UBXN2A: variants seen among roughly 807,000 people sequenced by gnomAD.
UBXN2A encodes UBX domain-containing protein 2A.
A neutral mutation model predicts 28.4 loss-of-function variants in UBXN2A; 28 were observed. That is an observed-to-expected ratio of 0.99 (90% CI 0.73 to 1.35). The LOEUF is 1.35. Among genes scored for constraint, UBXN2A ranks in the 40% most tolerant of loss-of-function variants. The pLI, the probability that UBXN2A is intolerant of heterozygous loss-of-function variation, is 0.00. For synonymous variants in UBXN2A, 97 were observed against 103.6 expected, an observed-to-expected ratio of 0.94 and a Z score of 0.39; for missense variants, 253 against 297.9, an observed-to-expected ratio of 0.85 and a Z score of 1.11.
At chr2:23,935,841 G>C (rs1705509358), upstream of UBXN2A, among the ~76,000 whole-genome samples, 1 of 152,112 alleles carries the variant, frequency 6.6e-6, no homozygotes, top group Non-Finnish European at 1.5e-5. Flanking sequence ...CCAGAGGTCA[G>C]GAGTTCAAGA....
chr2:23,932,133 C>T (rs1330284476), intron 1 of UBXN2A, among the ~76,000 whole-genome samples: 1 of 152,034 alleles, frequency 6.6e-6, no homozygotes, highest in Non-Finnish European at 1.5e-5. Flanking sequence ...GCCTGGCCAA[C>T]ATGGTGAAAC....
chr2:23,982,764 A>T, intron 4 of UBXN2A, 132 bp from the exon 5 acceptor site: 1 of 919,790 alleles, frequency 1.1e-6, no homozygotes, highest in Non-Finnish European at 1.5e-6. Flanking sequence ...GAATACATTT[A>T]GTTATTTCAT....
chr2:23,951,128 A>T (rs1706341416), intron 1 of UBXN2A, among the ~76,000 whole-genome samples: 2 of 152,126 alleles, frequency 1.3e-5, no homozygotes, highest in African/African-American at 4.8e-5. Context: ...TTGTGAGAAC[A>T]TTTAAAACCC....
At chr2:23,979,938 A>G (rs1284681738) in intron 4 of UBXN2A, among the ~76,000 whole-genome samples, 1 of 152,120 alleles carries the variant, frequency 6.6e-6, no homozygotes, top group African/African-American at 2.4e-5. Context: ...GTAAAAAAAA[A>G]AACCCAGCTA....
At chr2:23,959,600 G>A (rs1176451762) in intron 2 of UBXN2A, among the ~76,000 whole-genome samples, 1 of 152,178 alleles carries the variant, frequency 6.6e-6, no homozygotes, top group Non-Finnish European at 1.5e-5. Context: ...GATTTAGAAT[G>A]TAGTTATACT....
rs924522202 is a variant in UBXN2A, at chr2:23,995,336, T to C, written c.585-4336T>C. ...CTACAGGGCTCTCAGATGATTTACA[T>C]TGGTTGGTCTTCAGTGCTTTCACAT... On this transcript the variant is annotated intron_variant, in intron 6 of 6. Coordinates refer to ENST00000309033, the MANE Select transcript of UBXN2A (RefSeq NM_181713.4). 5.9e-5 allele frequency among the ~76,000 whole-genome samples: 9 copies of C among 152,232 alleles called. No homozygotes were observed. In the East Asian group the frequency reaches 1.3e-3, roughly 23 times the overall value.
intron 5 of UBXN2A, 30 bp from the exon 6 acceptor site, chr2:23,984,642 AC>A: frequency 7.0e-7 from 1 of 1,429,108 alleles, no homozygotes; most frequent in Non-Finnish European, 9.2e-7. Flanking sequence ...AATGGAAAAA[AC>A]GTCTAACTTT....
At chr2:23,976,104 C>T (rs1446048313) in intron 3 of UBXN2A, among the ~76,000 whole-genome samples, 1 of 152,180 alleles carries the variant, frequency 6.6e-6, no homozygotes, top group Admixed American at 6.6e-5. Flanking sequence ...TCCCCCTCTC[C>T]TCAGATCACC....
chr2:23,927,517 G>C (rs1224027692), exon 1 of UBXN2A: 1 of 152,300 alleles, frequency 6.6e-6, no homozygotes, highest in African/African-American at 2.4e-5. Context: ...AGCTACCCGA[G>C]GCAAGACACT....
chr2:23,954,455 A>G (rs771630398), intron 1 of UBXN2A, among the ~76,000 whole-genome samples: 2 of 152,044 alleles, frequency 1.3e-5, no homozygotes, highest in Non-Finnish European at 2.9e-5. Flanking sequence ...CCTTTTGGCT[A>G]TTGTGAATAT....
chr2:23,995,106 T>G (rs1177881946), intron 6 of UBXN2A, among the ~76,000 whole-genome samples: 1 of 152,204 alleles, frequency 6.6e-6, no homozygotes, highest in African/African-American at 2.4e-5. Context: ...AGCCAATAAC[T>G]TAAGAATTTG....
At chr2:23,974,447 A>G (rs1189931280) in intron 3 of UBXN2A, among the ~76,000 whole-genome samples, 5 of 145,336 alleles carry the variant, frequency 3.4e-5, no homozygotes, top group African/African-American at 1.0e-4. Context: ...CCGGGTTCAC[A>G]CCATTCTCCT....
chr2:23,944,409 G>T, intron 1 of UBXN2A: 1 of 1,181,268 alleles, frequency 8.5e-7, no homozygotes, highest in Non-Finnish European at 1.2e-6. Context: ...CCATCTTTCA[G>T]TTTGTCAGTC....
intron 1 of UBXN2A, among the ~76,000 whole-genome samples, chr2:23,931,117 A>G (rs1338885840): frequency 1.3e-5 from 2 of 151,630 alleles, no homozygotes; most frequent in Non-Finnish European, 2.9e-5. Flanking sequence ...TCTGCACTGC[A>G]CTCCAGCCTG....
chr2:23,965,429 G>T (rs1707123644), intron 2 of UBXN2A, among the ~76,000 whole-genome samples: 1 of 152,098 alleles, frequency 6.6e-6, no homozygotes, highest in Non-Finnish European at 1.5e-5. Flanking sequence ...ATGAATGGTT[G>T]TTAGATATTG....
At chr2:23,943,811 T>A (rs1359434533) in intron 1 of UBXN2A, 1 of 294,042 alleles carries the variant, frequency 3.4e-6, no homozygotes, top group Non-Finnish European at 6.8e-6. Context: ...ATATTTAAAA[T>A]GAGCTTTGCA....
chr2:23,982,862 G>T, intron 4 of UBXN2A, 34 bp from the exon 5 acceptor site: 2 of 1,560,122 alleles, frequency 1.3e-6, no homozygotes, highest in Non-Finnish European at 1.7e-6. Flanking sequence ...AAATACATTG[G>T]GAGCTTTATC....
In UBXN2A at chr2:23,966,516, G is replaced by T. The variant is rs1414903798; in HGVS notation, c.42-4760G>T. 2.0e-5 allele frequency among the ~76,000 whole-genome samples: 3 copies of T among 147,332 alleles called. No homozygotes were observed. In the Admixed American group the frequency reaches 2.1e-4, roughly 10 times the overall value. On this transcript the variant is annotated intron_variant, in intron 2 of 6. Coordinates refer to ENST00000309033, the MANE Select transcript of UBXN2A (RefSeq NM_181713.4). ...TGCCCAGGCTGGAGTGCGGTGGCGTGATCTCAGCTCACTGCAAGCTCTGCC... is the reference window on the plus strand; with the variant it reads ...TGCCCAGGCTGGAGTGCGGTGGCGTTATCTCAGCTCACTGCAAGCTCTGCC...
intron 6 of UBXN2A, among the ~76,000 whole-genome samples, chr2:23,995,766 A>G (rs1338546490): frequency 6.6e-6 from 1 of 152,140 alleles, no homozygotes; most frequent in African/African-American, 2.4e-5. Flanking sequence ...AAGTTGAAAA[A>G]TAGTTACGTC....
Sources: allele counts gnomAD v4.1 joint callset (sites outside exome capture counted in the v4.1 genomes callset), GRCh38; gene constraint gnomAD v4.1.1; transcripts MANE v1.5; gene names NCBI Gene and HGNC (gene_info 2026-07-23, HGNC 2026-07-21).